IPMK: variants seen among roughly 807,000 people sequenced by gnomAD.
IPMK encodes inositol polyphosphate multikinase, also known as inositol 1,3,4,6-tetrakisphosphate 5-kinase.
In IPMK, 17 loss-of-function variants were observed where a neutral mutation model predicts 45.8. That is an observed-to-expected ratio of 0.37 (90% confidence interval 0.25 to 0.56). The LOEUF is 0.56. Among genes scored for constraint, IPMK ranks in the 20% least tolerant of loss-of-function variants. The probability of loss-of-function intolerance (pLI) is 0.79; values close to 1 mark genes in which losing one functional copy is unlikely to be tolerated. For missense variants in IPMK, 399 were observed against 498.0 expected, an observed-to-expected ratio of 0.80 and a Z score of 1.89; for synonymous variants, 180 against 184.3, an observed-to-expected ratio of 0.98 and a Z score of 0.19.
intron 1 of IPMK, among the ~76,000 whole-genome samples, chr10:58,240,656 CG>C (rs1192298174): frequency 7.4e-6 from 1 of 135,642 alleles, no homozygotes; most frequent in Non-Finnish European, 1.5e-5. Context: ...ACATACACCA[CG>C]AAAAAAAAAA....
intron 1 of IPMK, among the ~76,000 whole-genome samples, chr10:58,245,611 C>CA (rs35191082): frequency 0.14 from 17,225 of 124,576 alleles, 1,072 homozygotes; most frequent in Middle Eastern, 0.21. Flanking sequence ...GACTCTGTCT[C>CA]AAAAAAAAAA....
At chr10:58,227,289 G>T in intron 2 of IPMK, 150 bp from the exon 3 acceptor site, 1 of 579,124 alleles carries the variant, frequency 1.7e-6, no homozygotes, top group Non-Finnish European at 3.0e-6. Flanking sequence ...ATATTACTGT[G>T]TGTCTCCAAT....
intron 1 of IPMK, among the ~76,000 whole-genome samples, chr10:58,254,572 G>C (rs1838936408): frequency 6.6e-6 from 1 of 152,146 alleles, no homozygotes; most frequent in Non-Finnish European, 1.5e-5. Flanking sequence ...AGTTGAACTG[G>C]TTTCTTTTAG....
intron 4 of IPMK, 123 bp downstream of exon 4, chr10:58,216,022 A>T: frequency 1.4e-6 from 1 of 693,272 alleles, no homozygotes; most frequent in Non-Finnish European, 2.2e-6. Context: ...TTGGGGAGTT[A>T]CAGACAACTC....
At chr10:58,237,995 A>C (rs1482137015) in intron 1 of IPMK, among the ~76,000 whole-genome samples, 181 bp from the exon 2 acceptor site, 1 of 152,236 alleles carries the variant, frequency 6.6e-6, no homozygotes, top group Non-Finnish European at 1.5e-5. Context: ...ACAGCAAAGC[A>C]CCAGAACACA....
intron 4 of IPMK, among the ~76,000 whole-genome samples, chr10:58,208,089 C>T (rs866648991): frequency 4.8e-4 from 73 of 152,092 alleles, no homozygotes; most frequent in Non-Finnish European, 7.5e-4. Context: ...TACAGGCGCC[C>T]GCCACCACGC....
At chr10:58,258,903 G>C (rs781646627) in intron 1 of IPMK, among the ~76,000 whole-genome samples, 21 of 152,026 alleles carry the variant, frequency 1.4e-4, no homozygotes, top group Non-Finnish European at 2.5e-4. Flanking sequence ...TTTAAAAAGT[G>C]GTTCTTTTAG....
intron 1 of IPMK, among the ~76,000 whole-genome samples, chr10:58,238,207 CAT>C (rs1338664200): frequency 6.6e-6 from 1 of 152,200 alleles, no homozygotes; most frequent in African/African-American, 2.4e-5. Context: ...CAGAAAAGAA[CAT>C]ATGTGTTAAC....
chr10:58,200,204 T>C (rs989652336), intron 4 of IPMK, among the ~76,000 whole-genome samples: 6 of 152,114 alleles, frequency 3.9e-5, no homozygotes, highest in Non-Finnish European at 5.9e-5. Context: ...CTGCAACCCC[T>C]GCCTCCGGGA....
intron 4 of IPMK, among the ~76,000 whole-genome samples, chr10:58,203,716 A>G (rs1618814): frequency 0.34 from 51,510 of 152,152 alleles, 10,976 homozygotes; most frequent in African/African-American, 0.61. Flanking sequence ...ACAATGAACA[A>G]TTTAGAATAT....
chr10:58,206,468 G>A (rs776297386), intron 4 of IPMK, among the ~76,000 whole-genome samples: 40 of 152,112 alleles, frequency 2.6e-4, no homozygotes, highest in Non-Finnish European at 5.0e-4. Flanking sequence ...ATGACATCTC[G>A]CTAAAGCTAT....
At chr10:58,261,121 T>C (rs1334103536) in intron 1 of IPMK, among the ~76,000 whole-genome samples, 1 of 110,238 alleles carries the variant, frequency 9.1e-6, no homozygotes, top group Non-Finnish European at 1.9e-5. Context: ...AAAAAAAAAA[T>C]GAGGAGGAAC....
Position 58,263,217 on chromosome 10 carries a change from C to T in IPMK, c.190+4205G>A, listed in dbSNP as rs574080643. On this transcript the variant is annotated intron_variant, in intron 1 of 5. Coordinates refer to ENST00000373935, the MANE Select transcript of IPMK (RefSeq NM_152230.5). The stretch of plus-strand genomic sequence containing the variant: ...CCTGGGCAACAAAGCCAGATCCCAT[C>T]TCTACAAAAAATTTTAAAATTAGCC... Among the ~76,000 whole-genome samples the T allele has an allele frequency of 2.2e-4, 34 of 151,960 alleles. No individual in the cohort carries two copies. The South Asian group carries it at 7.1e-3, about 32-fold the overall frequency.
At chr10:58,255,400 G>T (rs191089245) in intron 1 of IPMK, among the ~76,000 whole-genome samples, 1 of 152,164 alleles carries the variant, frequency 6.6e-6, no homozygotes, top group Non-Finnish European at 1.5e-5. Context: ...GAAATTTTCT[G>T]TGAGTGGTGT....
chr10:58,234,483 C>T (rs1017410280), intron 2 of IPMK, among the ~76,000 whole-genome samples: 2 of 152,124 alleles, frequency 1.3e-5, no homozygotes, highest in Non-Finnish European at 2.9e-5. Flanking sequence ...ACCAATGGAA[C>T]AGAACAGAGT....
At chr10:58,236,880 G>T (rs952785104) in intron 2 of IPMK, among the ~76,000 whole-genome samples, 4 of 152,154 alleles carry the variant, frequency 2.6e-5, no homozygotes, top group African/African-American at 9.7e-5. Context: ...GACCAGCCTG[G>T]ACAACAAAGT....
intron 1 of IPMK, among the ~76,000 whole-genome samples, chr10:58,241,162 G>A (rs1272764649): frequency 1.3e-5 from 2 of 152,136 alleles, no homozygotes; most frequent in Non-Finnish European, 2.9e-5. Flanking sequence ...TCATACAAAC[G>A]ACTTGCTGAA....
intron 1 of IPMK, among the ~76,000 whole-genome samples, chr10:58,251,702 C>T (rs948966886): frequency 6.6e-5 from 10 of 152,160 alleles, no homozygotes; most frequent in African/African-American, 1.9e-4. Context: ...TATCCTCTTG[C>T]GGTACTACTG....
chr10:58,248,389 A>T (rs2132172719), intron 1 of IPMK, among the ~76,000 whole-genome samples: 1 of 152,212 alleles, frequency 6.6e-6, no homozygotes, highest in African/African-American at 2.4e-5. Context: ...GCACGCTAAA[A>T]TTTCTATCTG....
Sources: allele counts gnomAD v4.1 joint callset (sites outside exome capture counted in the v4.1 genomes callset), GRCh38; gene constraint gnomAD v4.1.1; transcripts MANE v1.5; gene names NCBI Gene and HGNC (gene_info 2026-07-23, HGNC 2026-07-21).